The following FCAR variants were observed in gnomAD, a reference collection of about 807,000 sequenced individuals.
The protein encoded by FCAR is immunoglobulin alpha Fc receptor.
A neutral mutation model predicts 27.1 loss-of-function variants in FCAR; 21 were observed. The ratio of observed to expected loss-of-function variants is 0.77; its 90% confidence interval spans 0.55 to 1.11. The LOEUF (loss-of-function observed/expected upper bound fraction) is 1.11. Among genes scored for constraint, FCAR ranks in the 50% most tolerant of loss-of-function variants. The pLI, the probability that FCAR is intolerant of heterozygous loss-of-function variation, is 0.00. For missense variants in FCAR, 404 were observed against 358.4 expected (o/e 1.13, Z -1.03); for synonymous variants, 134 against 135.8 (o/e 0.99, Z 0.09).
intron 3 of FCAR, among the ~76,000 whole-genome samples, chr19:54,887,281 C>G (rs1055882390): frequency 2.5e-4 from 38 of 151,884 alleles, no homozygotes; most frequent in African/African-American, 8.5e-4. Context: ...CTGCCCTCAG[C>G]CTGGGCGACA....
chr19:54,879,355 G>C (rs762758813), intron 2 of FCAR, among the ~76,000 whole-genome samples: 2 of 152,138 alleles, frequency 1.3e-5, no homozygotes, highest in Non-Finnish European at 2.9e-5. Context: ...GTTTATGTAC[G>C]TAAGTGTGTT....
At chr19:54,885,000 G>T (rs1463466898) in intron 2 of FCAR, among the ~76,000 whole-genome samples, 1 of 152,132 alleles carries the variant, frequency 6.6e-6, no homozygotes, top group African/African-American at 2.4e-5. Flanking sequence ...TAGACACGGG[G>T]TTTCACCGTG....
intron 1 of FCAR, 74 bp from the exon 2 acceptor site, chr19:54,875,252 GGTCT>G: frequency 2.5e-6 from 3 of 1,215,384 alleles, no homozygotes; most frequent in Non-Finnish European, 3.6e-6. Flanking sequence ...GTCTTTTTCT[GGTCT>G]GTCATTACAG....
intron 3 of FCAR, among the ~76,000 whole-genome samples, chr19:54,886,123 C>T (rs972745771): frequency 1.3e-5 from 2 of 151,916 alleles, no homozygotes; most frequent in Admixed American, 1.3e-4. Flanking sequence ...TGGCACACGC[C>T]TGTAATCCCA....
At chr19:54,879,123 CA>C (rs2066271903) in intron 2 of FCAR, among the ~76,000 whole-genome samples, 1 of 152,002 alleles carries the variant, frequency 6.6e-6, no homozygotes, top group Admixed American at 6.6e-5. Context: ...ATGATCCACC[CA>C]CCTCAGCCTC....
At chr19:54,878,420 CT>C (rs1336687451) in intron 2 of FCAR, among the ~76,000 whole-genome samples, 1 of 152,290 alleles carries the variant, frequency 6.6e-6, no homozygotes, top group East Asian at 1.9e-4. Context: ...ATGTTAAAGT[CT>C]CCCCCTATTA....
intron 3 of FCAR, among the ~76,000 whole-genome samples, chr19:54,886,661 T>C (rs1462280961): frequency 1.3e-5 from 2 of 152,058 alleles, no homozygotes; most frequent in African/African-American, 4.8e-5. Flanking sequence ...CCCAAAGTGC[T>C]GGGATTCCAG....
chr19:54,886,313 T>G (rs2066724759), intron 3 of FCAR, among the ~76,000 whole-genome samples: 1 of 138,528 alleles, frequency 7.2e-6, no homozygotes, highest in Admixed American at 7.1e-5. Flanking sequence ...TTTTTTTTTT[T>G]TTTTTTTTTT....
chr19:54,876,981 T>C (rs951343252), intron 2 of FCAR, among the ~76,000 whole-genome samples: 8 of 152,168 alleles, frequency 5.3e-5, no homozygotes, highest in Admixed American at 2.6e-4. Flanking sequence ...AGCTTTCTGA[T>C]GTGCTGCTGG....
chr19:54,874,310 C>T lies in FCAR; in HGVS notation c.21C>T (p.Thr7=). The change falls in exon 1 of 5, where the codon ACC becomes ACT. Residue 7 remains threonine (T), a synonymous_variant. Coordinates refer to ENST00000355524, the MANE Select transcript of FCAR (RefSeq NM_002000.4). The part of the protein sequence containing the change: MDPKQT[T]LLCLVLCLGQ... The stretch of plus-strand genomic sequence containing the variant: ...GCACGATGGACCCCAAACAGACCAC[C>T]CTCCTGTGTCTTGGTGAGTTTCAGA... The T allele has an allele frequency of 2.5e-6, 4 of 1,614,162 alleles. No individual in the cohort carries two copies. Among genetic ancestry groups the T allele is most frequent in the Non-Finnish European group, 3.4e-6 (4 of 1,180,028 alleles).
Position 54,890,035 on chromosome 19 carries a change from A to G in FCAR, c.*172A>G. ...GAGTGCAGTGGAGCAATCTCGGCTC[A>G]TTGAACCTCTTGGGTTCAAGTGATT... On this transcript the variant is annotated 3_prime_UTR_variant, in exon 5 of 5. Coordinates refer to ENST00000355524, the MANE Select transcript of FCAR (RefSeq NM_002000.4). The G allele has an allele frequency of 3.3e-6, 2 of 600,488 alleles. No homozygotes were observed. The highest frequency in any genetic ancestry group is 5.9e-6 in the Non-Finnish European group (2 of 338,256). 37.2% of individuals were successfully genotyped at this position (600,488 alleles called of 1,614,324 possible).
At chr19:54,882,002 T>G (rs962159601) in intron 2 of FCAR, among the ~76,000 whole-genome samples, 1 of 152,208 alleles carries the variant, frequency 6.6e-6, no homozygotes, top group African/African-American at 2.4e-5. Context: ...GCAGAACCCT[T>G]GCCATGGCAG....
intron 2 of FCAR, among the ~76,000 whole-genome samples, chr19:54,881,357 G>A (rs370996494): frequency 6.6e-6 from 1 of 152,128 alleles, no homozygotes; most frequent in Admixed American, 6.5e-5. Context: ...AGGGCAGCAA[G>A]GCCAGTACCA....
intron 4 of FCAR, among the ~76,000 whole-genome samples, chr19:54,889,371 C>CAAA (rs764886901): frequency 5.2e-5 from 4 of 77,616 alleles, no homozygotes; most frequent in Non-Finnish European, 7.5e-5. Context: ...GACTCCATCT[C>CAAA]AAAAAAAAAA....
intron 2 of FCAR, 108 bp downstream of exon 2, chr19:54,875,473 C>A: frequency 1.1e-6 from 1 of 899,194 alleles, no homozygotes; most frequent in Non-Finnish European, 1.8e-6. Context: ...AATCCCCATT[C>A]TAGTTGTTTC....
At chr19:54,888,549 A>C (rs914464738) in intron 4 of FCAR, 10 of 1,292,150 alleles carry the variant, frequency 7.7e-6, no homozygotes, top group Non-Finnish European at 8.9e-6. Flanking sequence ...CATTTTATTT[A>C]TTTCATTTTA....
At chr19:54,887,359 G>A (rs989383778) in intron 3 of FCAR, among the ~76,000 whole-genome samples, 2 of 152,170 alleles carry the variant, frequency 1.3e-5, no homozygotes, top group Non-Finnish European at 2.9e-5. Flanking sequence ...TGTGGTTCAC[G>A]CCTGTAATCC....
At chr19:54,887,894 GC>G (rs2066832760) in intron 3 of FCAR, 112 bp from the exon 4 acceptor site, 5 of 803,734 alleles carry the variant, frequency 6.2e-6, no homozygotes, top group Non-Finnish European at 9.2e-6. Flanking sequence ...TCCAGCTTGG[GC>G]AATAAGAGCG....
rs2066841196 is a variant in FCAR, at chr19:54,888,003, T to C, written c.362-4T>C. On this transcript the variant is annotated splice_region_variant and splice_polypyrimidine_tract_variant and intron_variant, in intron 3 of 4. Transcript: ENST00000355524. ...TTCTAATAGCTCACTCTTTTCTCTCTTAGGCTTGTATGGCAAACCCTTCCT... is the reference window on the plus strand; with the variant it reads ...TTCTAATAGCTCACTCTTTTCTCTCCTAGGCTTGTATGGCAAACCCTTCCT... The C allele has an allele frequency of 1.2e-6, 2 of 1,608,466 alleles. No individual in the cohort carries two copies. Among genetic ancestry groups the C allele is most frequent in the Admixed American group, 1.7e-5 (1 of 59,502 alleles).
Sources: allele counts gnomAD v4.1 joint callset (sites outside exome capture counted in the v4.1 genomes callset), GRCh38; gene constraint gnomAD v4.1.1; transcripts MANE v1.5; gene names NCBI Gene and HGNC (gene_info 2026-07-23, HGNC 2026-07-21).